The following METTL15 variants were observed in gnomAD, a reference collection of about 807,000 sequenced individuals.
METTL15 encodes methyltransferase 15, mitochondrial 12S rRNA N4-cytidine.
Under a neutral mutation model 38.3 loss-of-function variants are expected in METTL15, and 34 were observed. The ratio of observed to expected loss-of-function variants is 0.89; its 90% confidence interval spans 0.68 to 1.18. The LOEUF (loss-of-function observed/expected upper bound fraction) is 1.18. METTL15 is among the 50% of genes most tolerant of loss of function. METTL15 has a pLI of 0.00. For synonymous variants in METTL15, 162 were observed against 170.9 expected (o/e 0.95, Z 0.41); for missense variants, 438 against 498.4 (o/e 0.88, Z 1.15).
At chr11:28,461,268 G>C (rs1851211614) in intron 6 of METTL15, among the ~76,000 whole-genome samples, 1 of 152,078 alleles carries the variant, frequency 6.6e-6, no homozygotes, top group African/African-American at 2.4e-5. Context: ...CAATTGACAA[G>C]TGGGGCTTTG....
intron 6 of METTL15, among the ~76,000 whole-genome samples, chr11:28,470,307 G>C (rs959865491): frequency 1.2e-4 from 19 of 152,044 alleles, no homozygotes; most frequent in Admixed American, 1.2e-3. Flanking sequence ...AGTTTTAGTT[G>C]GGCACAAGTC....
At chr11:28,462,288 A>C (rs750599337) in intron 6 of METTL15, among the ~76,000 whole-genome samples, 1 of 152,106 alleles carries the variant, frequency 6.6e-6, no homozygotes, top group South Asian at 2.1e-4. Context: ...GAAGAATGGA[A>C]GTGTAGGACA....
At chr11:28,382,872 T>G (rs1321594897) in intron 5 of METTL15, among the ~76,000 whole-genome samples, 1 of 151,752 alleles carries the variant, frequency 6.6e-6, no homozygotes, top group East Asian at 1.9e-4. Flanking sequence ...TCTTATGCCT[T>G]CTTGGAGTTT....
At chr11:28,211,678 A>T (rs1433455852) in intron 4 of METTL15, among the ~76,000 whole-genome samples, 1 of 152,034 alleles carries the variant, frequency 6.6e-6, no homozygotes, top group East Asian at 1.9e-4. Flanking sequence ...TATCAGAAAA[A>T]GTGATGTATA....
chr11:28,487,820 T>C (rs929642593), intron 6 of METTL15, among the ~76,000 whole-genome samples: 2 of 152,130 alleles, frequency 1.3e-5, no homozygotes, highest in Non-Finnish European at 2.9e-5. Context: ...AATGTTGAAT[T>C]GCATGAAGTA....
intron 6 of METTL15, among the ~76,000 whole-genome samples, chr11:28,311,960 A>G (rs1048769765): frequency 2.6e-5 from 4 of 152,238 alleles, no homozygotes; most frequent in African/African-American, 4.8e-5. Flanking sequence ...GTGGCAGTCA[A>G]GGGACTGGGA....
chr11:28,265,804 A>G (rs1047013182), intron 4 of METTL15, among the ~76,000 whole-genome samples: 6 of 152,200 alleles, frequency 3.9e-5, no homozygotes, highest in African/African-American at 1.2e-4. Context: ...GGATGTCTAT[A>G]GAGATCTTAA....
chr11:28,302,138 C>T (rs945860775), intron 6 of METTL15, among the ~76,000 whole-genome samples: 4 of 151,982 alleles, frequency 2.6e-5, no homozygotes, highest in African/African-American at 7.3e-5. Context: ...GTCTCGAACT[C>T]TTGGCTTCAA....
At chr11:28,218,877 A>G (rs1316197880) in intron 4 of METTL15, among the ~76,000 whole-genome samples, 1 of 152,144 alleles carries the variant, frequency 6.6e-6, no homozygotes, top group Non-Finnish European at 1.5e-5. Context: ...ATTTGCGTAT[A>G]TTGAAGCAGC....
chr11:28,234,412 G>C (rs984545969), intron 4 of METTL15, among the ~76,000 whole-genome samples: 2 of 151,332 alleles, frequency 1.3e-5, no homozygotes, highest in Non-Finnish European at 2.9e-5. Context: ...CTAGTTTACA[G>C]TCCCACCAAC....
intron 6 of METTL15, among the ~76,000 whole-genome samples, chr11:28,323,885 G>A (rs1291504999): frequency 6.6e-6 from 1 of 152,176 alleles, no homozygotes; most frequent in Non-Finnish European, 1.5e-5. Flanking sequence ...GGCAGAACTT[G>A]TTAACAATTT....
At position 28,272,854 on chromosome 11, in the gene METTL15, A is replaced by G. The variant is rs144564829; in HGVS notation, c.408-17352A>G. Reference sequence around the variant, plus strand: ...CTTTGACTTCATGGTCTTAGAATTTACTTTACCTGAGTTTAATTCTTAGCT... The same window carrying G: ...CTTTGACTTCATGGTCTTAGAATTTGCTTTACCTGAGTTTAATTCTTAGCT... On this transcript the variant is annotated intron_variant, in intron 4 of 6. Coordinates refer to ENST00000407364, the MANE Select transcript of METTL15 (RefSeq NM_001113528.2). Among the ~76,000 whole-genome samples the G allele has an allele frequency of 1.3e-3, 198 of 152,278 alleles. 1 individual carries two copies. The highest frequency in any genetic ancestry group is 4.5e-3 in the African/African-American group (189 of 41,548).
chr11:28,210,241 A>G (rs948783856), intron 3 of METTL15, among the ~76,000 whole-genome samples: 1 of 152,002 alleles, frequency 6.6e-6, no homozygotes, highest in East Asian at 1.9e-4. Context: ...AGTACATCCT[A>G]TCATGTTGTC....
intron 6 of METTL15, among the ~76,000 whole-genome samples, chr11:28,516,372 G>A (rs538131848): frequency 4.6e-5 from 7 of 152,126 alleles, no homozygotes; most frequent in Non-Finnish European, 1.0e-4. Context: ...CAGGTTACAT[G>A]GGCACTGTCA....
At chr11:28,329,890 C>T (rs569428614) in intron 6 of METTL15, among the ~76,000 whole-genome samples, 1 of 151,968 alleles carries the variant, frequency 6.6e-6, no homozygotes, top group Non-Finnish European at 1.5e-5. Context: ...TATGTTATTC[C>T]ACTATCTTCT....
At chr11:28,163,571 G>T (rs138950478) in intron 3 of METTL15, 116 of 395,774 alleles carry the variant, frequency 2.9e-4, no homozygotes, top group Non-Finnish European at 3.8e-4. Context: ...GTGTGTGTTT[G>T]TCTGGAGAAT....
chr11:28,200,893 T>G (rs1354589423), intron 3 of METTL15, among the ~76,000 whole-genome samples: 1 of 152,120 alleles, frequency 6.6e-6, no homozygotes, highest in Non-Finnish European at 1.5e-5. Flanking sequence ...TTGAATCCCC[T>G]TTGTTTCTTT....
chr11:28,164,856 T>A (rs1353330685), intron 3 of METTL15, among the ~76,000 whole-genome samples: 1 of 151,998 alleles, frequency 6.6e-6, no homozygotes, highest in Non-Finnish European at 1.5e-5. Flanking sequence ...TCCCATTTCT[T>A]CCCTCCTCCC....
chr11:28,298,108 G>A (rs1413598227), intron 6 of METTL15, among the ~76,000 whole-genome samples: 1 of 151,942 alleles, frequency 6.6e-6, no homozygotes, highest in Non-Finnish European at 1.5e-5. Context: ...AAGTTTAAGA[G>A]CAGAATTCTT....
Sources: gnomAD v4.1 joint callset for allele counts (sites outside exome capture counted in the v4.1 genomes callset) on GRCh38, gnomAD v4.1.1 for gene constraint, MANE v1.5 for transcripts, NCBI Gene and HGNC (gene_info 2026-07-23, HGNC 2026-07-21) for gene names.